The following CYP4F3 variants were observed in gnomAD, a reference collection of about 807,000 sequenced individuals.
The protein encoded by CYP4F3 is cytochrome P450 family 4 subfamily F member 3, also known as cytochrome P450 4F3.
Under a neutral mutation model 54.8 loss-of-function variants are expected in CYP4F3, and 50 were observed. The observed-to-expected ratio is 0.91, with a 90% confidence interval of 0.73 to 1.16. The LOEUF is 1.16. Among genes scored for constraint, CYP4F3 ranks in the 50% most tolerant of loss-of-function variants. CYP4F3 has a pLI of 0.00. For missense variants in CYP4F3, 715 were observed against 676.2 expected (o/e 1.06, Z -0.64); for synonymous variants, 244 against 262.6 (o/e 0.93, Z 0.69).
chr19:15,662,578 T>A lies in CYP4F3; in HGVS notation c.*3193T>A, dbSNP rs1973205717. ...TCATCAGTGTGTCTATTTCTACAAA[T>A]AGTCCTGATAGGGTTTGAATTGGGA... is the stretch of plus-strand genomic sequence containing the variant. On this transcript the variant is annotated 3_prime_UTR_variant, in exon 13 of 13. Coordinates refer to ENST00000221307, the MANE Select transcript of CYP4F3 (RefSeq NM_000896.3). 1 of 152,196 alleles carries A rather than the reference T, an allele frequency of 6.6e-6. No individual in the cohort carries two copies. The highest frequency in any genetic ancestry group is 2.4e-5 in the African/African-American group (1 of 41,438). 9.4% of individuals were successfully genotyped at this position (152,196 alleles called of 1,614,324 possible). A position where few individuals can be genotyped will look rare whatever the true frequency, so the allele number is the denominator to read the frequency against.
chr19:15,648,973 A>G (rs186466942), intron 5 of CYP4F3, among the ~76,000 whole-genome samples, 187 bp from the exon 6 acceptor site: 35 of 152,262 alleles, frequency 2.3e-4, no homozygotes, highest in Admixed American at 1.4e-3. Context: ...CTGACTCCCA[A>G]TCTTGGGTCT....
At chr19:15,649,804 T>A in intron 6 of CYP4F3, 109 bp from the exon 7 acceptor site, 3 of 1,480,070 alleles carry the variant, frequency 2.0e-6, no homozygotes, top group Non-Finnish European at 2.8e-6. Context: ...CATCTGTTCC[T>A]GGATACCCCG....
chr19:15,642,207 G>T (rs950723779), intron 2 of CYP4F3, among the ~76,000 whole-genome samples: 2 of 152,150 alleles, frequency 1.3e-5, no homozygotes, highest in African/African-American at 4.8e-5. Flanking sequence ...CTCTGACTTA[G>T]ACCTGCTCTC....
chr19:15,652,089 G>A (rs1423641796), intron 7 of CYP4F3, among the ~76,000 whole-genome samples: 1 of 151,746 alleles, frequency 6.6e-6, no homozygotes, highest in African/African-American at 2.4e-5. Flanking sequence ...AAAGAGAGAG[G>A]GCACCAGCTT....
intron 6 of CYP4F3, among the ~76,000 whole-genome samples, chr19:15,649,688 G>A (rs1164485948): frequency 6.6e-6 from 1 of 152,116 alleles, no homozygotes; most frequent in Admixed American, 6.5e-5. Flanking sequence ...ACTATCCTCT[G>A]GGTGCCTAGC....
In CYP4F3 at chr19:15,658,498, C is replaced by T. The variant is rs1973092581; in HGVS notation, c.1257C>T (p.Ile419=). 6.2e-7 allele frequency: 1 copy of T among 1,614,224 alleles called. No homozygotes were observed. Among genetic ancestry groups the T allele is most frequent in the Non-Finnish European group, 8.5e-7 (1 of 1,180,036 alleles). ...PDGRVIPKGI[I]CLISVFGTHH... ...CCCCCTTCTCTCCCACAGGCATTAT[C>T]TGCCTCATCAGTGTTTTTGGAACCC... The change falls in exon 11 of 13, where the codon ATC becomes ATT. Residue 419 remains isoleucine, a synonymous_variant. Transcript: ENST00000221307.
chr19:15,648,437 C>T (rs768543403), intron 5 of CYP4F3, among the ~76,000 whole-genome samples: 4 of 151,880 alleles, frequency 2.6e-5, no homozygotes, highest in Non-Finnish European at 5.9e-5. Context: ...CCCTTATCCT[C>T]AAAGTTATTT....
At chr19:15,643,429 G>T (rs905401926) in intron 2 of CYP4F3, among the ~76,000 whole-genome samples, 7 of 151,958 alleles carry the variant, frequency 4.6e-5, no homozygotes, top group Non-Finnish European at 7.4e-5. Flanking sequence ...TAGATAGATA[G>T]ATAGATAGAT....
chr19:15,643,744 G>A (rs761794732), intron 2 of CYP4F3, among the ~76,000 whole-genome samples: 4 of 152,238 alleles, frequency 2.6e-5, no homozygotes, highest in Middle Eastern at 3.4e-3. Flanking sequence ...CCCACACTGG[G>A]GAGGGTGATT....
rs763968041 is a variant in CYP4F3, at chr19:15,645,820, C to T, written c.300C>T (p.Arg100=). ...WWVGPWHAIV[R]IFHPTYIKPV... ...TGGGGCCCTGGCACGCAATCGTCCG[C>T]ATCTTCCACCCCACCTACATCAAGC... The change falls in exon 3 of 13, where the codon CGC becomes CGT. Residue 100 remains arginine (R), a synonymous_variant. Coordinates refer to ENST00000221307, the MANE Select transcript of CYP4F3 (RefSeq NM_000896.3). 2 of 1,613,870 alleles carry T rather than the reference C, an allele frequency of 1.2e-6. No individual in the cohort carries two copies. The highest frequency in any genetic ancestry group is 1.3e-5 in the African/African-American group (1 of 75,060).
intron 9 of CYP4F3, among the ~76,000 whole-genome samples, chr19:15,653,874 G>A (rs1247381703): frequency 6.6e-6 from 1 of 152,168 alleles, no homozygotes; most frequent in East Asian, 1.9e-4. Context: ...GGTAGCAGGG[G>A]CTGGCTGTGG....
At chr19:15,648,080 G>T (rs566687873) in intron 5 of CYP4F3, among the ~76,000 whole-genome samples, 12 of 152,298 alleles carry the variant, frequency 7.9e-5, no homozygotes, top group Admixed American at 2.6e-4. Flanking sequence ...TGCAAAGGGT[G>T]TGGATATGGG....
rs1973102680 is a variant in CYP4F3, at chr19:15,658,714, G to A, written c.1315-13G>A. On this transcript the variant is annotated splice_polypyrimidine_tract_variant and intron_variant, in intron 11 of 12. Transcript: ENST00000221307. ...AGACCCCACCCGGCAACCCTTCTTG[G>A]TCTCGCCTCCAGGTCTATGACCCCT... 6 of 1,613,708 alleles carry A rather than the reference G, an allele frequency of 3.7e-6. No homozygotes were observed. The highest frequency in any genetic ancestry group is 3.3e-5 in the Admixed American group (2 of 59,970).
At position 15,658,699 on chromosome 19, in the gene CYP4F3, C is replaced by T. The variant is rs971441360; in HGVS notation, c.1315-28C>T. 1.4e-5 allele frequency: 22 copies of T among 1,612,948 alleles called. No individual in the cohort carries two copies. The Admixed American group carries it at 1.8e-4, about 13-fold the overall frequency. ...GGCTGGCGGACTGGGAGACCCCACC[C>T]GGCAACCCTTCTTGGTCTCGCCTCC... On this transcript the variant is annotated intron_variant, in intron 11 of 12. Coordinates refer to ENST00000221307, the MANE Select transcript of CYP4F3 (RefSeq NM_000896.3).
intron 3 of CYP4F3, 132 bp downstream of exon 3, chr19:15,645,995 C>T (rs1972615109): frequency 3.2e-6 from 4 of 1,261,512 alleles, no homozygotes; most frequent in Non-Finnish European, 4.2e-6. Context: ...GGAGATGCCA[C>T]TGCTTCCATC....
intron 5 of CYP4F3, 91 bp downstream of exon 5, chr19:15,647,415 G>A: frequency 1.3e-6 from 2 of 1,565,748 alleles, no homozygotes; most frequent in East Asian, 4.5e-5. Context: ...TCTGCTGGGT[G>A]CCTCTGGGCC....
chr19:15,643,817 T>A, intron 2 of CYP4F3: 1 of 1,365,756 alleles, frequency 7.3e-7, no homozygotes, highest in Non-Finnish European at 9.5e-7. Context: ...CACAGACGGA[T>A]GATCAACTAT....
In CYP4F3 at chr19:15,649,086, A is replaced by G. The variant is rs1019962729; in HGVS notation, c.526-74A>G. The G allele has an allele frequency of 6.9e-6, 11 of 1,592,638 alleles. No individual in the cohort carries two copies. In the African/African-American group the frequency reaches 1.2e-4, roughly 18 times the overall value. ...AAGAGGCTTATTCTGGGGCGTGCAT[A>G]TTGATTGTTGGGGTTGGAGAGCTGC... On this transcript the variant is annotated intron_variant, in intron 5 of 12. Coordinates refer to ENST00000221307, the MANE Select transcript of CYP4F3 (RefSeq NM_000896.3).
chr19:15,651,133 C>A (rs1471675075), intron 7 of CYP4F3, among the ~76,000 whole-genome samples: 1 of 151,088 alleles, frequency 6.6e-6, no homozygotes, highest in Non-Finnish European at 1.5e-5. Flanking sequence ...CTTGGCCTCC[C>A]AAAGTACTGG....
Sources: gnomAD v4.1 joint callset for allele counts (sites outside exome capture counted in the v4.1 genomes callset) on GRCh38, gnomAD v4.1.1 for gene constraint, MANE v1.5 for transcripts, NCBI Gene and HGNC (gene_info 2026-07-23, HGNC 2026-07-21) for gene names.